GRID2: variants seen among roughly 807,000 people sequenced by gnomAD.
The protein encoded by GRID2 is glutamate ionotropic receptor delta type subunit 2.
Under a neutral mutation model 114.8 loss-of-function variants are expected in GRID2, and 33 were observed. That is an observed-to-expected ratio of 0.29 (90% CI 0.22 to 0.38). GRID2 has a LOEUF of 0.38. Ranked by LOEUF, GRID2 falls within the 10% of genes least tolerant of loss-of-function variation. The pLI, the probability that GRID2 is intolerant of heterozygous loss-of-function variation, is 1.00. For missense variants in GRID2, 1,184 were observed against 1,257.7 expected (o/e 0.94, Z 0.89); for synonymous variants, 505 against 449.9 (o/e 1.12, Z -1.55).
intron 8 of GRID2, among the ~76,000 whole-genome samples, chr4:93,293,267 G>A (rs944830293): frequency 1.3e-5 from 2 of 152,180 alleles, no homozygotes; most frequent in Non-Finnish European, 2.9e-5. Context: ...AGTCACAGGA[G>A]CATTTATGTG....
At chr4:93,271,788 T>C (rs905486) in intron 8 of GRID2, among the ~76,000 whole-genome samples, 152,309 of 152,314 alleles carry the variant, frequency 1, 76,152 homozygotes, top group Middle Eastern at 1. Context: ...TTGTACTTTA[T>C]GAATGTTGCT....
At chr4:93,575,857 T>C (rs1333667754) in intron 13 of GRID2, among the ~76,000 whole-genome samples, 1 of 152,130 alleles carries the variant, frequency 6.6e-6, no homozygotes, top group Non-Finnish European at 1.5e-5. Flanking sequence ...AAATAAATTC[T>C]ATATTTTAGC....
intron 2 of GRID2, among the ~76,000 whole-genome samples, chr4:92,888,477 T>C (rs940751351): frequency 6.6e-6 from 1 of 152,194 alleles, no homozygotes; most frequent in East Asian, 1.9e-4. Context: ...TAAACCTTGA[T>C]TTGCTTAAAA....
chr4:93,141,627 C>T (rs1210483803), intron 4 of GRID2, among the ~76,000 whole-genome samples: 1 of 152,150 alleles, frequency 6.6e-6, no homozygotes, highest in Non-Finnish European at 1.5e-5. Flanking sequence ...AGAGAGCTGC[C>T]AAGTTCATTT....
At chr4:93,606,799 C>T (rs1297235129) in intron 13 of GRID2, among the ~76,000 whole-genome samples, 1 of 151,936 alleles carries the variant, frequency 6.6e-6, no homozygotes. Context: ...TTATGAATAC[C>T]CTAGGACTTA....
At chr4:92,617,046 T>A (rs1243736780) in intron 2 of GRID2, among the ~76,000 whole-genome samples, 1 of 151,428 alleles carries the variant, frequency 6.6e-6, no homozygotes, top group Non-Finnish European at 1.5e-5. Flanking sequence ...ACTTTATTAT[T>A]TGTTTATGTT....
chr4:93,766,473 C>T (rs759224203), intron 14 of GRID2, among the ~76,000 whole-genome samples: 16 of 152,166 alleles, frequency 1.1e-4, no homozygotes, highest in Non-Finnish European at 2.2e-4. Context: ...TCCACCTGTC[C>T]TGCACTTGAC....
chr4:93,655,466 C>A (rs1034447123), intron 14 of GRID2, among the ~76,000 whole-genome samples: 1 of 151,674 alleles, frequency 6.6e-6, no homozygotes, highest in Non-Finnish European at 1.5e-5. Flanking sequence ...AAAATCATTT[C>A]TTTTTTTAAA....
chr4:93,243,367 C>G (rs896702314), intron 8 of GRID2, among the ~76,000 whole-genome samples: 2 of 151,880 alleles, frequency 1.3e-5, no homozygotes, highest in Non-Finnish European at 2.9e-5. Context: ...AAAATAACAC[C>G]ACGCAAACAA....
chr4:92,993,434 T>C (rs1293511209), intron 2 of GRID2, among the ~76,000 whole-genome samples: 1 of 152,194 alleles, frequency 6.6e-6, no homozygotes, highest in Admixed American at 6.6e-5. Flanking sequence ...TGTGAACTTA[T>C]GTGTGGATGT....
At chr4:93,339,455 A>T (rs1759422048) in intron 8 of GRID2, among the ~76,000 whole-genome samples, 1 of 152,102 alleles carries the variant, frequency 6.6e-6, no homozygotes, top group Admixed American at 6.6e-5. Flanking sequence ...AGAATGCCAA[A>T]GTTTGCCAGC....
At chr4:93,371,343 A>G (rs1272482483) in intron 8 of GRID2, among the ~76,000 whole-genome samples, 1 of 152,078 alleles carries the variant, frequency 6.6e-6, no homozygotes, top group South Asian at 2.1e-4. Flanking sequence ...TTTAGCCATT[A>G]CTGTGTTCTG....
At chr4:93,524,339 G>C (rs1345230479) in intron 13 of GRID2, among the ~76,000 whole-genome samples, 1 of 151,978 alleles carries the variant, frequency 6.6e-6, no homozygotes, top group Admixed American at 6.6e-5. Flanking sequence ...CTGCAGCTGA[G>C]AGCTCCGATA....
chr4:93,302,802 C>G (rs1755016152), intron 8 of GRID2, among the ~76,000 whole-genome samples: 1 of 152,192 alleles, frequency 6.6e-6, no homozygotes, highest in Non-Finnish European at 1.5e-5. Context: ...ATAATGATTA[C>G]TATTGTAAGA....
chr4:92,962,894 G>A (rs897024946), intron 2 of GRID2, among the ~76,000 whole-genome samples: 4 of 152,022 alleles, frequency 2.6e-5, no homozygotes, highest in South Asian at 2.1e-4. Flanking sequence ...CCTTACAGGC[G>A]TATCTTGCCT....
chr4:92,825,262 T>G (rs1336857736), intron 2 of GRID2, among the ~76,000 whole-genome samples: 3 of 152,130 alleles, frequency 2.0e-5, no homozygotes, highest in Non-Finnish European at 4.4e-5. Flanking sequence ...TCAAGGATGA[T>G]GAACAGAAAA....
intron 2 of GRID2, among the ~76,000 whole-genome samples, chr4:92,661,951 C>A (rs1218614360): frequency 6.6e-6 from 1 of 150,882 alleles, no homozygotes; most frequent in Non-Finnish European, 1.5e-5. Context: ...CATCATATTT[C>A]TTTATATAGT....
At chr4:93,606,058 G>A (rs1304831751) in intron 13 of GRID2, among the ~76,000 whole-genome samples, 1 of 152,112 alleles carries the variant, frequency 6.6e-6, no homozygotes, top group Non-Finnish European at 1.5e-5. Flanking sequence ...CTTTGGGTCA[G>A]GAGTTTGAGA....
At chr4:93,345,644 A>G (rs1419296392) in intron 8 of GRID2, among the ~76,000 whole-genome samples, 1 of 151,540 alleles carries the variant, frequency 6.6e-6, no homozygotes, top group Non-Finnish European at 1.5e-5. Context: ...TTTTGGTTTG[A>G]TGTAATCCCA....
Sources: gnomAD v4.1 joint callset for allele counts (sites outside exome capture counted in the v4.1 genomes callset) on GRCh38, gnomAD v4.1.1 for gene constraint, MANE v1.5 for transcripts, NCBI Gene and HGNC (gene_info 2026-07-23, HGNC 2026-07-21) for gene names.